TENM2: variants seen among roughly 807,000 people sequenced by gnomAD.
TENM2 encodes teneurin-2.
A neutral mutation model predicts 245.2 loss-of-function variants in TENM2; 52 were observed. The observed-to-expected ratio is 0.21, with a 90% CI of 0.17 to 0.27. The LOEUF (loss-of-function observed/expected upper bound fraction) is 0.27, where lower values mean the gene tolerates loss of function less well. TENM2 is among the 10% of genes least tolerant of loss of function. The probability of loss-of-function intolerance (pLI) is 1.00; values close to 1 mark genes in which losing one functional copy is unlikely to be tolerated. For missense variants in TENM2, 3,046 were observed against 3,666.8 expected (o/e 0.83, Z 4.37); for synonymous variants, 1,363 against 1,438.9 (o/e 0.95, Z 1.19).
At chr5:167,950,438 G>C (rs1561971525) in intron 3 of TENM2, among the ~76,000 whole-genome samples, 1 of 152,126 alleles carries the variant, frequency 6.6e-6, no homozygotes, top group South Asian at 2.1e-4. Context: ...TACTTTAGAA[G>C]AGTGTGTGGT....
upstream of TENM2, among the ~76,000 whole-genome samples, chr5:167,284,488 A>G (rs556012380): frequency 1.1e-4 from 17 of 152,334 alleles, no homozygotes; most frequent in South Asian, 6.2e-4. Context: ...CAGACTGATC[A>G]TGTCATCTGT....
At chr5:167,908,017 T>C (rs1776241132) in intron 3 of TENM2, among the ~76,000 whole-genome samples, 1 of 152,082 alleles carries the variant, frequency 6.6e-6, no homozygotes, top group African/African-American at 2.4e-5. Context: ...ATGCCTCAGT[T>C]TCCTCATTTG....
chr5:168,103,628 C>A (rs564201926), intron 9 of TENM2, among the ~76,000 whole-genome samples: 6 of 152,176 alleles, frequency 3.9e-5, no homozygotes, highest in Admixed American at 3.9e-4. Context: ...GATGCTATGC[C>A]CTCCTCAGTG....
the TENM2 span, among the ~76,000 whole-genome samples, chr5:167,086,459 T>C: frequency 1.8e-4 from 27 of 152,216 alleles, no homozygotes; most frequent in Admixed American, 1.5e-3. Context: ...GAAACAGAGG[T>C]CAAAACCACC....
chr5:167,449,194 A>C (rs1417905619), intron 2 of TENM2, among the ~76,000 whole-genome samples: 1 of 152,122 alleles, frequency 6.6e-6, no homozygotes, highest in Non-Finnish European at 1.5e-5. Flanking sequence ...GGTACTTAGC[A>C]CTAGTCCTTG....
chr5:168,215,406 A>AT (rs1763099256), intron 21 of TENM2, 134 bp downstream of exon 23: 1 of 716,314 alleles, frequency 1.4e-6, no homozygotes, highest in African/African-American at 1.8e-5. Flanking sequence ...ACTCAGATAG[A>AT]TTGCTTTGGT....
At chr5:167,497,773 T>G (rs1768912467) in intron 2 of TENM2, among the ~76,000 whole-genome samples, 1 of 151,886 alleles carries the variant, frequency 6.6e-6, no homozygotes, top group Non-Finnish European at 1.5e-5. Context: ...TGGGTACCCA[T>G]AGGGTGAATG....
rs537560539 is a variant in TENM2, at chr5:167,456,437, ATTATCT to A, written c.502+80968_502+80973del. 5.1e-4 allele frequency among the ~76,000 whole-genome samples: 77 copies of A among 152,292 alleles called. 1 individual carries two copies. Among genetic ancestry groups the A allele is most frequent in the African/African-American group, 1.8e-3 (73 of 41,556 alleles). On this transcript the variant is annotated intron_variant, in intron 2 of 28. Transcript: ENST00000518659. ...TCTAATTCTTTTCCAAGCAAAAATA[ATTATCT>A]TTACTAAGTCCATTTCTTGTTGCTA...
At chr5:167,809,472 AT>A (rs1766470083) in intron 2 of TENM2, among the ~76,000 whole-genome samples, 1 of 152,136 alleles carries the variant, frequency 6.6e-6, no homozygotes, top group South Asian at 2.1e-4. Flanking sequence ...AGGGAATTCA[AT>A]TTGATGATCA....
chr5:167,466,487 C>T (rs982604615), intron 2 of TENM2, among the ~76,000 whole-genome samples: 2 of 152,166 alleles, frequency 1.3e-5, no homozygotes, highest in African/African-American at 4.8e-5. Flanking sequence ...TTTATGTGTG[C>T]TACTGTTTTC....
intron 3 of TENM2, among the ~76,000 whole-genome samples, chr5:167,906,201 A>C (rs764506751): frequency 2.7e-4 from 41 of 152,340 alleles, no homozygotes; most frequent in Non-Finnish European, 4.6e-4. Context: ...AAATAAAATA[A>C]AATAAAAACC....
At chr5:168,065,160 G>C (rs1790387498) in intron 7 of TENM2, among the ~76,000 whole-genome samples, 1 of 152,162 alleles carries the variant, frequency 6.6e-6, no homozygotes, top group South Asian at 2.1e-4. Context: ...AATTCTATTG[G>C]CTGTGCTACG....
intron 2 of TENM2, among the ~76,000 whole-genome samples, chr5:167,782,514 C>G (rs1484824856): frequency 6.6e-6 from 1 of 151,968 alleles, no homozygotes; most frequent in South Asian, 2.1e-4. Flanking sequence ...GGAAGATGCT[C>G]TCACCATCCC....
intron 4 of TENM2, among the ~76,000 whole-genome samples, chr5:167,984,526 C>T (rs1308125968): frequency 6.6e-6 from 1 of 152,060 alleles, no homozygotes; most frequent in Non-Finnish European, 1.5e-5. Context: ...CGTGGTGGCA[C>T]ATGCTTGTAA....
intron 2 of TENM2, among the ~76,000 whole-genome samples, chr5:167,404,327 G>C (rs1423950110): frequency 6.6e-6 from 1 of 151,886 alleles, no homozygotes; most frequent in Non-Finnish European, 1.5e-5. Context: ...TGGTGATTTG[G>C]GGTTATGAAA....
intron 2 of TENM2, among the ~76,000 whole-genome samples, chr5:167,640,119 T>C (rs1342517551): frequency 6.6e-6 from 1 of 152,140 alleles, no homozygotes; most frequent in Non-Finnish European, 1.5e-5. Context: ...AGATATATGT[T>C]TACACACAAT....
At chr5:167,452,461 C>T (rs1053033528) in intron 2 of TENM2, among the ~76,000 whole-genome samples, 3 of 152,104 alleles carry the variant, frequency 2.0e-5, no homozygotes, top group African/African-American at 4.8e-5. Flanking sequence ...TTTCCCAGGG[C>T]GACAGCCAGT....
chr5:167,244,115 T>C, the TENM2 span, among the ~76,000 whole-genome samples: 410 of 152,290 alleles, frequency 2.7e-3, 12 homozygotes, highest in East Asian at 0.059. Flanking sequence ...AAAGATTAAG[T>C]CAAGTGTACC....
At chr5:167,199,097 T>TAAAAAAAAA in the TENM2 span, among the ~76,000 whole-genome samples, 11 of 79,310 alleles carry the variant, frequency 1.4e-4, 1 homozygote, top group African/African-American at 1.8e-4. Context: ...TGATATGAAG[T>TAAAAAAAAA]AAAAAAAAAA....
Sources: gnomAD v4.1 joint callset for allele counts (sites outside exome capture counted in the v4.1 genomes callset) on GRCh38, gnomAD v4.1.1 for gene constraint, MANE v1.5 for transcripts, NCBI Gene and HGNC (gene_info 2026-07-23, HGNC 2026-07-21) for gene names.